The following PRKN variants were observed in gnomAD, a reference collection of about 807,000 sequenced individuals.
The protein encoded by PRKN is parkin RBR E3 ubiquitin protein ligase, also known as E3 ubiquitin-protein ligase parkin.
PRKN carries 56 observed loss-of-function variants against 59.5 expected under a neutral mutation model. That is an observed-to-expected ratio of 0.94 (90% confidence interval 0.76 to 1.18). PRKN has a LOEUF of 1.18. Among genes scored for constraint, PRKN ranks in the 50% most tolerant of loss-of-function variants. The probability of loss-of-function intolerance (pLI) is 0.00; values close to 1 mark genes in which losing one functional copy is unlikely to be tolerated. For missense variants in PRKN, 657 were observed against 596.4 expected, an observed-to-expected ratio of 1.10 and a Z score of -1.06; for synonymous variants, 250 against 222.1, an observed-to-expected ratio of 1.13 and a Z score of -1.12.
rs1463339946 is a variant in PRKN, at chr6:161,415,896, C to T, written c.1084-29019G>A. 5.3e-5 allele frequency among the ~76,000 whole-genome samples: 8 copies of T among 152,012 alleles called. No individual in the cohort carries two copies. The South Asian group carries it at 1.2e-3, about 24-fold the overall frequency. On this transcript the variant is annotated intron_variant, in intron 9 of 11. Coordinates refer to ENST00000366898, the MANE Select transcript of PRKN (RefSeq NM_004562.3). The stretch of plus-strand genomic sequence containing the variant: ...TGCTCTCTGGATGTGCCAGAACATG[C>T]CGTGGGCTTTCATCCTGCGTCACTC...
At chr6:162,337,760 C>T (rs910430125) in intron 2 of PRKN, among the ~76,000 whole-genome samples, 4 of 151,834 alleles carry the variant, frequency 2.6e-5, no homozygotes, top group Admixed American at 1.3e-4. Context: ...ATGAAAGAGA[C>T]ATAGGAATGG....
At chr6:161,768,744 A>G (rs570368556) in intron 7 of PRKN, among the ~76,000 whole-genome samples, 1 of 152,196 alleles carries the variant, frequency 6.6e-6, no homozygotes, top group Non-Finnish European at 1.5e-5. Flanking sequence ...ACTTGATTTC[A>G]GTCCACAAGC....
At chr6:161,890,939 C>G (rs998735604) in intron 6 of PRKN, among the ~76,000 whole-genome samples, 1 of 152,168 alleles carries the variant, frequency 6.6e-6, no homozygotes, top group Non-Finnish European at 1.5e-5. Flanking sequence ...CTTGCCTTTA[C>G]AGCAGAAAAT....
rs140190325 is a variant in PRKN at position 162,190,527 on chromosome 6, G to A, written c.534+10604C>T. Among the ~76,000 whole-genome samples the A allele has an allele frequency of 3.9e-5, 6 of 152,256 alleles. 1 individual carries two copies. Among genetic ancestry groups the A allele is most frequent in the African/African-American group, 1.2e-4 (5 of 41,564 alleles). On this transcript the variant is annotated intron_variant, in intron 4 of 11. Coordinates refer to ENST00000366898, the MANE Select transcript of PRKN (RefSeq NM_004562.3). ...CTCTCAGTTTGGTTTCTTTCTCGCCGGGTGACCCAAGTAAAGTCAATTAAC... is the reference window on the plus strand; with the variant it reads ...CTCTCAGTTTGGTTTCTTTCTCGCCAGGTGACCCAAGTAAAGTCAATTAAC...
intron 4 of PRKN, among the ~76,000 whole-genome samples, chr6:162,159,414 C>T (rs1013481419): frequency 1.3e-5 from 2 of 152,058 alleles, no homozygotes; most frequent in African/African-American, 4.8e-5. Flanking sequence ...GGGACAAGAC[C>T]TATAGACTGA....
At chr6:162,543,625 G>C (rs1268021935) in intron 1 of PRKN, among the ~76,000 whole-genome samples, 1 of 152,134 alleles carries the variant, frequency 6.6e-6, no homozygotes, top group Non-Finnish European at 1.5e-5. Context: ...TAGAGGAGGA[G>C]AGAGTTCTGT....
intron 2 of PRKN, among the ~76,000 whole-genome samples, chr6:162,412,726 T>G (rs980963462): frequency 2.0e-5 from 3 of 152,190 alleles, no homozygotes; most frequent in African/African-American, 7.2e-5. Flanking sequence ...TTTTACTGCT[T>G]ATCTTTTGTT....
chr6:162,685,245 T>A (rs1034528574), intron 1 of PRKN, among the ~76,000 whole-genome samples: 2 of 152,286 alleles, frequency 1.3e-5, no homozygotes, highest in African/African-American at 4.8e-5. Flanking sequence ...CAATGTACGT[T>A]TGCAGTCATC....
At chr6:162,720,773 T>C (rs1008207767) in intron 1 of PRKN, among the ~76,000 whole-genome samples, 3 of 152,188 alleles carry the variant, frequency 2.0e-5, no homozygotes, top group African/African-American at 7.2e-5. Flanking sequence ...AATATGTGCC[T>C]AGGTATATGA....
chr6:162,223,324 C>T (rs1052895502), intron 3 of PRKN, among the ~76,000 whole-genome samples: 2 of 151,788 alleles, frequency 1.3e-5, no homozygotes, highest in Non-Finnish European at 2.9e-5. Context: ...TAGGAGGGCA[C>T]TTTAAGAATT....
At chr6:162,479,637 G>T (rs1460928506) in intron 1 of PRKN, among the ~76,000 whole-genome samples, 1 of 152,068 alleles carries the variant, frequency 6.6e-6, no homozygotes, top group Non-Finnish European at 1.5e-5. Context: ...ACTCACATCT[G>T]GTCCCACTGG....
At position 161,566,869 on chromosome 6, in the gene PRKN, T is replaced by C. The variant is rs547819624; in HGVS notation, c.933+2486A>G. 6.6e-6 allele frequency among the ~76,000 whole-genome samples: 1 copy of C among 152,276 alleles called. No homozygotes were observed. Among genetic ancestry groups the C allele is most frequent in the East Asian group, 1.9e-4 (1 of 5,184 alleles). ...TCACATTGGAGCCTCTGTTGTTGCT[T>C]CATCCACTCTGTGGAAATCTCCTTT... is the stretch of plus-strand genomic sequence containing the variant. On this transcript the variant is annotated intron_variant, in intron 8 of 11. Transcript: ENST00000366898. The surrounding 1 kb of genome is among the most constrained non-coding windows in gnomAD (Gnocchi z 4.1).
At chr6:161,731,437 A>T (rs1242439541) in intron 7 of PRKN, among the ~76,000 whole-genome samples, 5 of 152,374 alleles carry the variant, frequency 3.3e-5, no homozygotes, top group African/African-American at 1.2e-4. Context: ...AAGCAGGCTA[A>T]GATTTTTTAC....
At chr6:162,306,581 C>T (rs2128116151) in intron 2 of PRKN, among the ~76,000 whole-genome samples, 1 of 152,178 alleles carries the variant, frequency 6.6e-6, no homozygotes, top group South Asian at 2.1e-4. Context: ...AATTGTTTTC[C>T]CCTGGCTCTT....
At chr6:161,450,135 T>C (rs774165624) in intron 9 of PRKN, among the ~76,000 whole-genome samples, 3 of 152,182 alleles carry the variant, frequency 2.0e-5, no homozygotes, top group Non-Finnish European at 4.4e-5. Context: ...GGTGTTCCTT[T>C]ATACCTTTTC....
intron 1 of PRKN, among the ~76,000 whole-genome samples, chr6:162,625,712 G>A (rs77901941): frequency 7.9e-4 from 119 of 151,244 alleles, no homozygotes; most frequent in Non-Finnish European, 1.3e-3. Context: ...GTGTGTGTGT[G>A]TATATATATA....
chr6:161,482,748 G>A (rs569455308), intron 9 of PRKN, among the ~76,000 whole-genome samples: 1 of 152,248 alleles, frequency 6.6e-6, no homozygotes, highest in South Asian at 2.1e-4. Flanking sequence ...CCCCAATTCT[G>A]GCATTGTTTC....
At chr6:161,936,757 T>A (rs544747737) in intron 6 of PRKN, among the ~76,000 whole-genome samples, 237 of 151,506 alleles carry the variant, frequency 1.6e-3, no homozygotes, top group African/African-American at 5.3e-3. Flanking sequence ...ACAATCCTAA[T>A]TTGGCTCCTT....
Position 162,098,943 on chromosome 6 carries a change from T to C in PRKN, c.535-44769A>G, listed in dbSNP as rs115126271. ...TGTCACTCTGCCACCAGGACGAATA[T>C]ACAAAATCTGGAGTCCGTTACACTT... On this transcript the variant is annotated intron_variant, in intron 4 of 11. Transcript: ENST00000366898. Among the ~76,000 whole-genome samples, 584 of 152,254 alleles carry C rather than the reference T, an allele frequency of 3.8e-3. 3 individuals carry two copies. Among genetic ancestry groups the C allele is most frequent in the African/African-American group, 0.013 (549 of 41,544 alleles).
Sources: allele counts gnomAD v4.1 joint callset (sites outside exome capture counted in the v4.1 genomes callset), GRCh38; gene constraint gnomAD v4.1.1; non-coding constraint Gnocchi (gnomAD v3.1); transcripts MANE v1.5; gene names NCBI Gene and HGNC (gene_info 2026-07-23, HGNC 2026-07-21).